Variants in RAP1A observed in about 807,000 individuals in gnomAD.
RAP1A encodes the protein RAP1A, member of RAS oncogene family, also known as ras-related protein Rap-1A.
In RAP1A, 6 loss-of-function variants were observed where a neutral mutation model predicts 26.4. The observed-to-expected ratio is 0.23, with a 90% CI of 0.12 to 0.45. The LOEUF is 0.45. Among genes scored for constraint, RAP1A ranks in the 20% least tolerant of loss-of-function variants. RAP1A has a pLI of 0.99. For missense variants in RAP1A, 121 were observed against 217.2 expected (o/e 0.56, Z 2.78); for synonymous variants, 73 against 79.4 (o/e 0.92, Z 0.43).
At chr1:111,672,641 G>GA (rs1209036356) in intron 1 of RAP1A, among the ~76,000 whole-genome samples, 1 of 152,132 alleles carries the variant, frequency 6.6e-6, no homozygotes, top group East Asian at 1.9e-4. Flanking sequence ...TCCCCAAAGA[G>GA]AAAAAATTCA....
At position 111,582,939 on chromosome 1, in the gene RAP1A, T is replaced by A. The variant is rs546749591; in HGVS notation, c.-28+40430T>A. On this transcript the variant is annotated intron_variant, in intron 1 of 7. Transcript: ENST00000356415. The stretch of plus-strand genomic sequence containing the variant: ...AACCTGGCTATCTTGGGTTCCCAGC[T>A]CCTACAACCATACAGTCTGTAATAA... Among the ~76,000 whole-genome samples the A allele has an allele frequency of 1.6e-4, 25 of 152,314 alleles. No homozygotes were observed. In the South Asian group the frequency reaches 5.2e-3, roughly 32 times the overall value.
chr1:111,640,162 C>T (rs1342088891), intron 1 of RAP1A, among the ~76,000 whole-genome samples: 1 of 152,174 alleles, frequency 6.6e-6, no homozygotes, highest in Non-Finnish European at 1.5e-5. Context: ...CCTTTGCCTA[C>T]TTCTTTGTTT....
chr1:111,641,225 C>T (rs1163329759), intron 1 of RAP1A, among the ~76,000 whole-genome samples: 3 of 152,154 alleles, frequency 2.0e-5, no homozygotes, highest in African/African-American at 7.2e-5. Flanking sequence ...AAGACTAGTT[C>T]TATATTAGCA....
chr1:111,643,922 T>C (rs1294789690), intron 1 of RAP1A, among the ~76,000 whole-genome samples: 5 of 152,354 alleles, frequency 3.3e-5, no homozygotes, highest in East Asian at 1.9e-4. Flanking sequence ...GGCCAACACA[T>C]TGCAGATTCT....
intron 1 of RAP1A, among the ~76,000 whole-genome samples, chr1:111,682,723 A>G (rs1661336568): frequency 6.6e-6 from 1 of 152,202 alleles, no homozygotes; most frequent in African/African-American, 2.4e-5. Flanking sequence ...CCACACAATC[A>G]TAGTGGGAGA....
intron 1 of RAP1A, among the ~76,000 whole-genome samples, chr1:111,581,713 G>T (rs531369211): frequency 2.6e-5 from 4 of 152,292 alleles, no homozygotes; most frequent in African/African-American, 9.6e-5. Flanking sequence ...TGAATACTAT[G>T]TAGGTACTGC....
rs557498197 is a variant in RAP1A, at chr1:111,715,860, T to G, written c.*3459T>G. ...TGGACATGGCCAGTTTAAAATATTT[T>G]GCCCCATTACCCTTGTAGATACACA... On this transcript the variant is annotated 3_prime_UTR_variant, in exon 8 of 8. Transcript: ENST00000369709. 6.6e-5 allele frequency: 10 copies of G among 152,348 alleles called. No homozygotes were observed. The highest frequency in any genetic ancestry group is 1.2e-4 in the Non-Finnish European group (8 of 68,014). 9.4% of individuals were successfully genotyped at this position (152,348 alleles called of 1,614,324 possible).
intron 1 of RAP1A, among the ~76,000 whole-genome samples, chr1:111,550,230 G>T (rs1036315844): frequency 1.3e-5 from 2 of 152,036 alleles, no homozygotes; most frequent in African/African-American, 4.8e-5. Context: ...TTTCTGGTCA[G>T]CATGGATAAA....
chr1:111,606,248 C>T (rs923265390), intron 1 of RAP1A, among the ~76,000 whole-genome samples: 5 of 152,004 alleles, frequency 3.3e-5, no homozygotes, highest in Admixed American at 6.5e-5. Context: ...TGTGGTGTTG[C>T]CTAAAGACAG....
chr1:111,583,469 C>CAAAA (rs71099919), intron 1 of RAP1A, among the ~76,000 whole-genome samples: 15 of 143,936 alleles, frequency 1.0e-4, no homozygotes, highest in African/African-American at 3.6e-4. Context: ...AGACCCCATT[C>CAAAA]AAAAAAAAAA....
rs902562312 is a variant in RAP1A, at chr1:111,628,910, A to G, written c.-28+8976A>G. On this transcript the variant is annotated intron_variant, in intron 1 of 7. Transcript: ENST00000369709. ...TCCTATCATTTCGTCAGTAAAAAGCATATATTTATGCTTTTAAAAATATAT... is the reference window on the plus strand; with the variant it reads ...TCCTATCATTTCGTCAGTAAAAAGCGTATATTTATGCTTTTAAAAATATAT... Among the ~76,000 whole-genome samples the G allele has an allele frequency of 9.8e-5, 15 of 152,290 alleles. 1 individual carries two copies. The Middle Eastern group carries it at 0.014, about 138-fold the overall frequency.
intron 6 of RAP1A, among the ~76,000 whole-genome samples, chr1:111,707,306 A>G (rs964793802): frequency 7.2e-5 from 11 of 152,314 alleles, no homozygotes; most frequent in East Asian, 1.9e-4. Flanking sequence ...AAGAAATACA[A>G]TTATTTGCCA....
chr1:111,712,322 G>A (rs1662409385), intron 7 of RAP1A, 109 bp from the exon 8 acceptor site: 1 of 152,284 alleles, frequency 6.6e-6, no homozygotes, highest in South Asian at 2.1e-4. Flanking sequence ...GTTATGATCA[G>A]CTAAAATCAT....
chr1:111,627,874 T>C (rs1173218435), intron 1 of RAP1A, among the ~76,000 whole-genome samples: 1 of 151,888 alleles, frequency 6.6e-6, no homozygotes, highest in African/African-American at 2.4e-5. Context: ...ATAAATATTA[T>C]GTAAAACTAA....
At chr1:111,543,885 G>C (rs1482098292) in intron 1 of RAP1A, among the ~76,000 whole-genome samples, 1 of 152,184 alleles carries the variant, frequency 6.6e-6, no homozygotes, top group African/African-American at 2.4e-5. Flanking sequence ...TTCTCAGAGA[G>C]AGAGTAGACA....
intron 7 of RAP1A, among the ~76,000 whole-genome samples, chr1:111,710,799 T>C (rs1372076347): frequency 1.3e-5 from 2 of 152,236 alleles, no homozygotes; most frequent in Non-Finnish European, 2.9e-5. Flanking sequence ...GGCTAATGTT[T>C]GCTTTAGGCT....
intron 1 of RAP1A, among the ~76,000 whole-genome samples, chr1:111,585,602 T>C (rs1377662102): frequency 6.6e-6 from 1 of 152,234 alleles, no homozygotes; most frequent in Non-Finnish European, 1.5e-5. Context: ...ATTTCCCCTG[T>C]AGTAAATAAA....
intron 6 of RAP1A, among the ~76,000 whole-genome samples, chr1:111,708,815 T>C (rs1467599444): frequency 6.6e-6 from 1 of 151,914 alleles, no homozygotes; most frequent in Non-Finnish European, 1.5e-5. Context: ...AAAATGTTAC[T>C]AATTGGTGAA....
chr1:111,620,367 C>G (rs1244848816), intron 1 of RAP1A, among the ~76,000 whole-genome samples: 1 of 152,236 alleles, frequency 6.6e-6, no homozygotes, highest in Non-Finnish European at 1.5e-5. Flanking sequence ...CGCTGCCTTC[C>G]TCCTCTTGCA....
Sources: gnomAD v4.1 joint callset for allele counts (sites outside exome capture counted in the v4.1 genomes callset) on GRCh38, gnomAD v4.1.1 for gene constraint, MANE v1.5 for transcripts, NCBI Gene and HGNC (gene_info 2026-07-23, HGNC 2026-07-21) for gene names.